Variants in VSNL1 observed in about 807,000 individuals in gnomAD.
VSNL1 encodes the protein visinin like 1.
VSNL1 carries 6 observed loss-of-function variants against 20.4 expected under a neutral mutation model. The ratio of observed to expected loss-of-function variants is 0.29; its 90% CI spans 0.16 to 0.58. The LOEUF (loss-of-function observed/expected upper bound fraction) is 0.58, where lower values mean the gene tolerates loss of function less well. Among genes scored for constraint, VSNL1 ranks in the 20% least tolerant of loss-of-function variants. VSNL1 has a pLI of 0.90. For synonymous variants in VSNL1, 93 were observed against 86.4 expected, an observed-to-expected ratio of 1.08 and a Z score of -0.42; for missense variants, 100 against 234.5, an observed-to-expected ratio of 0.43 and a Z score of 3.75.
intron 1 of VSNL1, 95 bp from the exon 2 acceptor site, chr2:17,591,975 G>A (rs1190194371): frequency 4.2e-6 from 6 of 1,436,470 alleles, no homozygotes; most frequent in African/African-American, 2.8e-5. Flanking sequence ...AGGGAGTTCC[G>A]ACCATGGGAC....
At chr2:17,645,812 G>C (rs1345684237) in intron 2 of VSNL1, among the ~76,000 whole-genome samples, 1 of 151,352 alleles carries the variant, frequency 6.6e-6, no homozygotes, top group East Asian at 1.9e-4. Context: ...TCTGCAGGTT[G>C]TTCGGTTCAG....
At chr2:17,559,575 G>T (rs1663766121) in intron 1 of VSNL1, among the ~76,000 whole-genome samples, 1 of 152,096 alleles carries the variant, frequency 6.6e-6, no homozygotes, top group Non-Finnish European at 1.5e-5. Flanking sequence ...TTGGGCTTTA[G>T]TTTCATCATA....
At chr2:17,582,077 C>T (rs1380817386) in intron 1 of VSNL1, among the ~76,000 whole-genome samples, 1 of 152,066 alleles carries the variant, frequency 6.6e-6, no homozygotes, top group Non-Finnish European at 1.5e-5. Flanking sequence ...TGGGAGTTCA[C>T]TAGAGAACCA....
At chr2:17,622,388 C>A (rs1440471652) in intron 2 of VSNL1, among the ~76,000 whole-genome samples, 1 of 151,102 alleles carries the variant, frequency 6.6e-6, no homozygotes, top group Non-Finnish European at 1.5e-5. Context: ...ATCCCAGCTA[C>A]TTGGGAGGCT....
chr2:17,624,067 T>C (rs758550598), intron 2 of VSNL1, among the ~76,000 whole-genome samples: 1 of 152,148 alleles, frequency 6.6e-6, no homozygotes, highest in African/African-American at 2.4e-5. Flanking sequence ...CACATTATGG[T>C]GAATTATCAT....
chr2:17,649,774 G>A lies in VSNL1; in HGVS notation c.378+149G>A, dbSNP rs768043625. 60 of 779,150 alleles carry A rather than the reference G, an allele frequency of 7.7e-5. No homozygotes were observed. The African/African-American group carries it at 9.0e-4, about 12-fold the overall frequency. The allele number at this position is 779,150 out of a possible 1,614,324, so 48.3% of individuals were successfully genotyped here. ...CTGGACTTCTCCTGCTTCTGTCCCCGCTGCAGCACAGTGCTGGGGAGGTCC... is the reference window on the plus strand; with the variant it reads ...CTGGACTTCTCCTGCTTCTGTCCCCACTGCAGCACAGTGCTGGGGAGGTCC... On this transcript the variant is annotated intron_variant, in intron 3 of 3. Coordinates refer to ENST00000295156, the MANE Select transcript of VSNL1 (RefSeq NM_003385.5). The surrounding 1 kb of genome is among the most constrained non-coding windows in gnomAD (Gnocchi z 6.4).
chr2:17,643,746 C>G (rs2103424453), intron 2 of VSNL1, among the ~76,000 whole-genome samples: 1 of 152,274 alleles, frequency 6.6e-6, no homozygotes, highest in South Asian at 2.1e-4. Flanking sequence ...AGGGGTCTGA[C>G]CCAGACCAAA....
chr2:17,616,146 G>T (rs1415822543), intron 2 of VSNL1, among the ~76,000 whole-genome samples: 1 of 152,202 alleles, frequency 6.6e-6, no homozygotes, highest in Admixed American at 6.5e-5. Context: ...AGCTCACATG[G>T]GTGGCTCACA....
intron 1 of VSNL1, among the ~76,000 whole-genome samples, chr2:17,560,150 G>A (rs1314529263): frequency 2.0e-5 from 3 of 150,918 alleles, no homozygotes; most frequent in Admixed American, 2.0e-4. Flanking sequence ...AAATCTTATT[G>A]AAGAACAGAA....
chr2:17,623,397 C>T (rs62133581), intron 2 of VSNL1, among the ~76,000 whole-genome samples: 8,150 of 151,700 alleles, frequency 0.054, 258 homozygotes, highest in East Asian at 0.093. Context: ...CGGCTGGGCA[C>T]GGTGGCTCAC....
chr2:17,612,740 G>A (rs1477501975), intron 2 of VSNL1, among the ~76,000 whole-genome samples: 1 of 152,136 alleles, frequency 6.6e-6, no homozygotes, highest in Non-Finnish European at 1.5e-5. Context: ...GTTGCCTCTG[G>A]GCTTTAACAT....
intron 1 of VSNL1, among the ~76,000 whole-genome samples, chr2:17,580,866 G>A (rs1402222333): frequency 6.6e-6 from 1 of 152,168 alleles, no homozygotes. Context: ...TTTGCACATT[G>A]TTCTGCTTAT....
chr2:17,642,309 CTTT>C (rs577471307), intron 2 of VSNL1, among the ~76,000 whole-genome samples: 19 of 93,228 alleles, frequency 2.0e-4, no homozygotes, highest in African/African-American at 3.8e-4. Flanking sequence ...GTGAGCATTC[CTTT>C]TTTTTTTTTT....
intron 2 of VSNL1, among the ~76,000 whole-genome samples, chr2:17,609,219 A>G (rs1020856514): frequency 6.6e-6 from 1 of 152,014 alleles, no homozygotes; most frequent in Non-Finnish European, 1.5e-5. Flanking sequence ...TCATGACCTT[A>G]CCTGGCTCAC....
At chr2:17,546,115 A>G (rs1019972969) in intron 1 of VSNL1, 2 of 152,038 alleles carry the variant, frequency 1.3e-5, no homozygotes, top group Non-Finnish European at 2.9e-5. Flanking sequence ...TGTACCTAAT[A>G]CAATAATTAC....
chr2:17,572,199 A>G (rs897360314), intron 1 of VSNL1, among the ~76,000 whole-genome samples: 1 of 152,176 alleles, frequency 6.6e-6, no homozygotes, highest in Non-Finnish European at 1.5e-5. Context: ...GATATGGAGG[A>G]GCCAAATTAT....
chr2:17,557,219 G>A (rs938165417), intron 1 of VSNL1, among the ~76,000 whole-genome samples: 1 of 152,028 alleles, frequency 6.6e-6, no homozygotes, highest in African/African-American at 2.4e-5. Flanking sequence ...GAAAATTTGT[G>A]GTCTCTAAAA....
chr2:17,613,086 TG>T (rs1190054832), intron 2 of VSNL1, among the ~76,000 whole-genome samples: 1 of 152,138 alleles, frequency 6.6e-6, no homozygotes, highest in Non-Finnish European at 1.5e-5. Flanking sequence ...ACCCCATCAC[TG>T]TTCCCATCTT....
rs778663065 is a variant in VSNL1, at chr2:17,592,253, C to T, written c.162+17C>T. On this transcript the variant is annotated intron_variant, in intron 2 of 3. Coordinates refer to ENST00000295156, the MANE Select transcript of VSNL1 (RefSeq NM_003385.5). ...TATGTGAAGGTAAGTTGTTTTTCAA[C>T]CTTGTTTTTATTCCTTAGGCCAGAA... 2 of 1,612,544 alleles carry T rather than the reference C, an allele frequency of 1.2e-6. No homozygotes were observed.
Sources: allele counts gnomAD v4.1 joint callset (sites outside exome capture counted in the v4.1 genomes callset), GRCh38; gene constraint gnomAD v4.1.1; non-coding constraint Gnocchi (gnomAD v3.1); transcripts MANE v1.5; gene names NCBI Gene and HGNC (gene_info 2026-07-23, HGNC 2026-07-21).